Variants in PTCHD4 observed in about 807,000 individuals in gnomAD.
PTCHD4 encodes the protein patched domain-containing protein 4.
PTCHD4 carries 33 observed loss-of-function variants against 58.1 expected under a neutral mutation model. The observed-to-expected ratio is 0.57, with a 90% CI of 0.43 to 0.76. The LOEUF is 0.76. PTCHD4 is among the 30% of genes least tolerant of loss of function. PTCHD4 has a pLI of 0.00. For missense variants in PTCHD4, 1,058 were observed against 1,027.1 expected (o/e 1.03, Z -0.41); for synonymous variants, 478 against 409.6 (o/e 1.17, Z -2.02).
chr6:48,015,256 T>C (rs911429519), intron 3 of PTCHD4, among the ~76,000 whole-genome samples: 6 of 151,986 alleles, frequency 3.9e-5, no homozygotes, highest in Non-Finnish European at 8.8e-5. Flanking sequence ...CTGTGTACAC[T>C]GTTGTTCTTC....
chr6:47,946,355 T>C (rs538899214), intron 4 of PTCHD4, among the ~76,000 whole-genome samples: 12 of 152,312 alleles, frequency 7.9e-5, no homozygotes, highest in Middle Eastern at 3.4e-3. Context: ...TTTGGCTTTA[T>C]ACATTTTGAA....
intron 4 of PTCHD4, among the ~76,000 whole-genome samples, chr6:47,929,784 C>T (rs148535739): frequency 6.6e-6 from 1 of 152,342 alleles, no homozygotes; most frequent in Non-Finnish European, 1.5e-5. Flanking sequence ...CCTGACCATC[C>T]TGCTTACTGC....
intron 3 of PTCHD4, among the ~76,000 whole-genome samples, chr6:48,055,869 C>T (rs1236583558): frequency 6.6e-6 from 1 of 152,186 alleles, no homozygotes; most frequent in Non-Finnish European, 1.5e-5. Flanking sequence ...CCTGTAGATA[C>T]TGTCCCCTAC....
intron 3 of PTCHD4, among the ~76,000 whole-genome samples, chr6:48,037,459 T>C (rs1379142889): frequency 6.6e-6 from 1 of 152,174 alleles, no homozygotes; most frequent in African/African-American, 2.4e-5. Context: ...TAGAGGCACA[T>C]AAACTCTAGA....
At chr6:47,916,483 C>T (rs1389004321) in intron 4 of PTCHD4, among the ~76,000 whole-genome samples, 2 of 152,084 alleles carry the variant, frequency 1.3e-5, no homozygotes, top group African/African-American at 4.8e-5. Flanking sequence ...GCTCTCTCCC[C>T]ACCACCTACA....
At position 48,035,754 on chromosome 6, in the gene PTCHD4, T is replaced by C. The variant is rs549280145; in HGVS notation, c.418-26640A>G. Reference sequence around the variant, plus strand: ...TCTGCATTATACCCCAGCTGATATCTACTAACCCTGGCCTGCCTTCAGCAG... The same window carrying C: ...TCTGCATTATACCCCAGCTGATATCCACTAACCCTGGCCTGCCTTCAGCAG... On this transcript the variant is annotated intron_variant, in intron 3 of 4. Coordinates refer to ENST00000339488, the MANE Select transcript of PTCHD4 (RefSeq NM_001384253.1). Among the ~76,000 whole-genome samples the C allele has an allele frequency of 2.4e-4, 36 of 152,286 alleles. No individual in the cohort carries two copies. The South Asian group carries it at 7.0e-3, about 30-fold the overall frequency.
At chr6:47,887,350 T>A (rs4142120) in intron 4 of PTCHD4, among the ~76,000 whole-genome samples, 97,071 of 151,378 alleles carry the variant, frequency 0.64, 32,138 homozygotes, top group East Asian at 0.78. Flanking sequence ...TTATCATTAG[T>A]TCTTACAATA....
rs1561925097 is a variant in PTCHD4 at position 47,863,000 on chromosome 6, G to A, written c.*15303C>T. 6.6e-6 allele frequency among the ~76,000 whole-genome samples: 1 copy of A among 151,850 alleles called. No individual in the cohort carries two copies. The highest frequency in any genetic ancestry group is 1.5e-5 in the Non-Finnish European group (1 of 67,864). On this transcript the variant is annotated 3_prime_UTR_variant, in exon 5 of 5. Transcript: ENST00000339488. ...TAATTCAAAGAATAGGCTTCATTTT[G>A]CCAGTGTTGAAGCCATTTTAATTTC...
At chr6:48,081,196 T>C (rs1237872060) in intron 1 of PTCHD4, among the ~76,000 whole-genome samples, 3 of 152,216 alleles carry the variant, frequency 2.0e-5, no homozygotes, top group Non-Finnish European at 4.4e-5. Flanking sequence ...ATTTGAGAGC[T>C]ACTTACAAGT....
At chr6:47,928,355 A>G (rs1299089153) in intron 4 of PTCHD4, among the ~76,000 whole-genome samples, 2 of 152,210 alleles carry the variant, frequency 1.3e-5, no homozygotes, top group African/African-American at 4.8e-5. Flanking sequence ...TGAGAATGAA[A>G]CTAGGAGATC....
intron 4 of PTCHD4, among the ~76,000 whole-genome samples, chr6:47,918,746 A>G (rs1366732449): frequency 6.6e-6 from 1 of 152,164 alleles, no homozygotes; most frequent in Non-Finnish European, 1.5e-5. Flanking sequence ...TTCTTCTACA[A>G]TAACAGAACT....
rs780888089 is a variant in PTCHD4, at chr6:48,008,616, A to G, written c.898+18T>C. 3.1e-6 allele frequency: 5 copies of G among 1,609,258 alleles called. No individual in the cohort carries two copies. Among genetic ancestry groups the G allele is most frequent in the Non-Finnish European group, 4.2e-6 (5 of 1,177,276 alleles). ...CCAAACCGGTAAGAATCCGATTACCACAAGGATGGATAGTTACCCATGGCG... is the reference window on the plus strand; with the variant it reads ...CCAAACCGGTAAGAATCCGATTACCGCAAGGATGGATAGTTACCCATGGCG... On this transcript the variant is annotated intron_variant, in intron 4 of 4. Coordinates refer to ENST00000339488, the MANE Select transcript of PTCHD4 (RefSeq NM_001384253.1).
At position 48,068,634 on chromosome 6, in the gene PTCHD4, CCGGCCGT is replaced by C. The variant is rs1292811527; in HGVS notation, c.6_12del (p.Arg3GlufsTer31). ...CACCAGATCCAGCTCGCAGGCGCTC[CCGGCCGT>C]CTTAAAAAGCACATGTGACATGTGT... On this transcript the variant is annotated frameshift_variant and splice_region_variant, in exon 3 of 5. Transcript: ENST00000339488. LOFTEE classifies it high-confidence loss of function. This position sits in a 1 kb window ranked among gnomAD's most constrained non-coding sequence, Gnocchi z 4.2. 11 of 1,550,988 alleles carry C rather than the reference CCGGCCGT, an allele frequency of 7.1e-6. No individual in the cohort carries two copies. The highest frequency in any genetic ancestry group is 1.4e-5 in the African/African-American group (1 of 73,428).
Position 47,861,055 on chromosome 6 carries a change from C to A in PTCHD4, c.*17248G>T, listed in dbSNP as rs947359399. Among the ~76,000 whole-genome samples the A allele has an allele frequency of 2.0e-5, 3 of 151,922 alleles. No homozygotes were observed. The highest frequency in any genetic ancestry group is 4.4e-5 in the Non-Finnish European group (3 of 67,932). On this transcript the variant is annotated 3_prime_UTR_variant, in exon 5 of 5. Coordinates refer to ENST00000339488, the MANE Select transcript of PTCHD4 (RefSeq NM_001384253.1). ...TTTAGTGGAACATTTCAATCGCAGT[C>A]TAATTATTGAGCTCTCCCAATCCCT...
chr6:48,017,367 A>G (rs867934181), intron 3 of PTCHD4, among the ~76,000 whole-genome samples: 1 of 152,194 alleles, frequency 6.6e-6, no homozygotes, highest in Non-Finnish European at 1.5e-5. Flanking sequence ...GCCCTAAATA[A>G]GTAATAAATT....
chr6:48,110,408 A>AT (rs1765840701), intron 1 of PTCHD4, among the ~76,000 whole-genome samples: 1 of 152,066 alleles, frequency 6.6e-6, no homozygotes, highest in African/African-American at 2.4e-5. Flanking sequence ...TTACACACAG[A>AT]TTTTTTTAAA....
intron 4 of PTCHD4, chr6:47,901,542 C>A: frequency 1.0e-6 from 1 of 1,001,158 alleles, no homozygotes; most frequent in Non-Finnish European, 1.2e-6. Context: ...TTATTTTCAT[C>A]ACTAAACAGT....
At chr6:48,017,933 G>GTC (rs1762922900) in intron 3 of PTCHD4, among the ~76,000 whole-genome samples, 1 of 152,284 alleles carries the variant, frequency 6.6e-6, no homozygotes, top group Admixed American at 6.5e-5. Context: ...ATGTGCAAGG[G>GTC]TCTTAAGCTC....
At chr6:47,925,288 T>G (rs1415276529) in intron 4 of PTCHD4, among the ~76,000 whole-genome samples, 3 of 152,090 alleles carry the variant, frequency 2.0e-5, no homozygotes, top group African/African-American at 7.2e-5. Flanking sequence ...GTTTTTGGTT[T>G]ATTGCTATAT....
Sources: gnomAD v4.1 joint callset for allele counts (sites outside exome capture counted in the v4.1 genomes callset) on GRCh38, gnomAD v4.1.1 for gene constraint, Gnocchi (gnomAD v3.1) non-coding constraint, MANE v1.5 for transcripts, NCBI Gene and HGNC (gene_info 2026-07-23, HGNC 2026-07-21) for gene names.